Variants in BRWD3 observed in about 807,000 individuals in gnomAD.
The protein encoded by BRWD3 is bromodomain and WD repeat-containing protein 3.
BRWD3 carries 10 observed loss-of-function variants against 149.7 expected under a neutral mutation model. The ratio of observed to expected loss-of-function variants is 0.07; its 90% CI spans 0.04 to 0.11. The LOEUF is 0.11. Among genes scored for constraint, BRWD3 ranks in the 10% least tolerant of loss-of-function variants. BRWD3 has a pLI of 1.00. For synonymous variants in BRWD3, 504 were observed against 456.7 expected, an observed-to-expected ratio of 1.10 and a Z score of -1.32; for missense variants, 940 against 1,373.2, an observed-to-expected ratio of 0.68 and a Z score of 4.99.
chrX:80,681,030 G>C (rs755221444), intron 40 of BRWD3, among the ~76,000 whole-genome samples: 1 of 91,620 alleles, frequency 1.1e-5, no homozygotes, highest in African/African-American at 4.3e-5. Flanking sequence ...GGTTGATCTC[G>C]ATCTCCTGGC....
intron 22 of BRWD3, among the ~76,000 whole-genome samples, chrX:80,705,738 T>C (rs2072854432): frequency 8.9e-6 from 1 of 112,006 alleles, no homozygotes; most frequent in Admixed American, 9.5e-5. Flanking sequence ...AGTATATATC[T>C]ACACAATGCT....
intron 6 of BRWD3, among the ~76,000 whole-genome samples, chrX:80,772,430 G>C (rs769429634): frequency 9.0e-6 from 1 of 110,812 alleles, no homozygotes; most frequent in Admixed American, 9.6e-5. Flanking sequence ...AGAACACCTG[G>C]ACACAGGGCG....
chrX:80,690,233 T>G, intron 31 of BRWD3, 141 bp from the exon 32 acceptor site: 1 of 583,832 alleles, frequency 1.7e-6, no homozygotes, highest in African/African-American at 2.2e-5. Context: ...TATATTTGAC[T>G]GATGAGCACT....
chrX:80,742,633 C>G (rs2073531236), intron 8 of BRWD3, among the ~76,000 whole-genome samples: 1 of 109,779 alleles, frequency 9.1e-6, no homozygotes, highest in Non-Finnish European at 1.9e-5. Flanking sequence ...AGTTGGATTC[C>G]TAGGTATTTT....
At position 80,691,039 on chromosome X, in the gene BRWD3, A is replaced by T. The variant is rs73502699; in HGVS notation, c.3602+14T>A. On this transcript the variant is annotated intron_variant, in intron 31 of 40. Transcript: ENST00000373275. Reference sequence around the variant, plus strand: ...GCTATAAATTTTATAATAAGTGATTAAAAAAAAACAGACCTGTAAAAGCGA... The same window carrying T: ...GCTATAAATTTTATAATAAGTGATTTAAAAAAAACAGACCTGTAAAAGCGA... 5.8e-3 allele frequency: 6,848 copies of T among 1,184,928 alleles called. 261 individuals are homozygous for T. In the African/African-American group the frequency reaches 0.1, roughly 18 times the overall value.
Position 80,809,362 on chromosome X carries a change from T to G in BRWD3, c.32-58A>C. On this transcript the variant is annotated intron_variant, in intron 1 of 40. Transcript: ENST00000373275. ...GAGGTAGAGAAGAGAAATAGAAGCT[T>G]TTTCAAAAGAAACTGACAGCCTTCG... 13 of 1,152,076 alleles carry G rather than the reference T, an allele frequency of 1.1e-5. No individual in the cohort carries two copies. In the South Asian group the frequency reaches 1.9e-4, roughly 17 times the overall value. 94.9% of individuals were successfully genotyped at this position (1,152,076 alleles called of 1,213,427 possible). A position where few individuals can be genotyped will look rare whatever the true frequency, so the allele number is the denominator to read the frequency against.
At chrX:80,707,909 C>A (rs923988258) in intron 21 of BRWD3, among the ~76,000 whole-genome samples, 2 of 111,466 alleles carry the variant, frequency 1.8e-5, no homozygotes, top group South Asian at 7.4e-4. Flanking sequence ...GAATAGATAA[C>A]CCGTGTACAC....
rs1262924449 is a variant in BRWD3 at position 80,717,666 on chromosome X, T to C, written c.2138A>G (p.Asn713Ser). ...GGCCATCTGGCTCCGAGGAGCATTGTTATGCATTTGTCTAACACCTTCAAT... is the reference window on the plus strand; with the variant it reads ...GGCCATCTGGCTCCGAGGAGCATTGCTATGCATTTGTCTAACACCTTCAAT... Reference protein sequence around the residue: ...SQIEGVRQMHNNAPRSQMATE... With the variant: ...SQIEGVRQMHSNAPRSQMATE... The change falls in exon 19 of 41, where the codon AAC becomes AGC. Residue 713 changes from asparagine (N) to serine (S), a missense_variant. By Grantham distance (46) the Asn-to-Ser change is conservative. This residue lies in a region of BRWD3 where 103 missense variants were observed against 103.2 expected (regional missense o/e 1.00). Coordinates refer to ENST00000373275, the MANE Select transcript of BRWD3 (RefSeq NM_153252.5). 8.3e-7 allele frequency: 1 copy of C among 1,211,351 alleles called. No homozygotes were observed. Among genetic ancestry groups the C allele is most frequent in the African/African-American group, 1.7e-5 (1 of 57,882 alleles).
chrX:80,782,085 C>G (rs976557453), intron 6 of BRWD3, among the ~76,000 whole-genome samples: 3 of 111,330 alleles, frequency 2.7e-5, no homozygotes, highest in African/African-American at 9.8e-5. Context: ...CTGGAGAAAT[C>G]ACTTACCTGA....
At chrX:80,776,497 A>G (rs1412600972) in intron 6 of BRWD3, among the ~76,000 whole-genome samples, 2 of 112,109 alleles carry the variant, frequency 1.8e-5, no homozygotes, top group Admixed American at 9.5e-5. Flanking sequence ...TGAAACATTT[A>G]TAAGACTACA....
rs1344040839 is a variant in BRWD3, at chrX:80,733,465, T to C, written c.1118A>G (p.Asn373Ser). ...TGTATTACATAATTACCTGTCTCCA[T>C]TGTTACAGAACTGAACAGCAACAAC... is the stretch of plus-strand genomic sequence containing the variant. The part of the protein sequence containing the change: ...DKVVAVQFCN[N>S]GDSLRFVSGS... Residue 373 changes from asparagine (N) to serine (S), a missense_variant, in exon 12 of 41, where the codon AAT becomes AGT. Asn to Ser is a conservative substitution (Grantham distance 46). Transcript: ENST00000373275. 2.5e-6 allele frequency: 3 copies of C among 1,199,091 alleles called. No homozygotes were observed. The highest frequency in any genetic ancestry group is 3.4e-6 in the Non-Finnish European group (3 of 885,233).
chrX:80,757,865 A>G (rs991485818), intron 6 of BRWD3, among the ~76,000 whole-genome samples: 3 of 112,604 alleles, frequency 2.7e-5, no homozygotes, highest in Non-Finnish European at 5.6e-5. Flanking sequence ...CTCTTACTAG[A>G]AGCTAAAGCA....
chrX:80,690,243 TA>T, intron 31 of BRWD3, 151 bp from the exon 32 acceptor site: 1 of 544,741 alleles, frequency 1.8e-6, no homozygotes, highest in Non-Finnish European at 2.9e-6. Context: ...TGATGAGCAC[TA>T]AAAAGAGATG....
chrX:80,730,425 G>GAAAGAAAGAAAGA (rs1555972919), intron 12 of BRWD3, among the ~76,000 whole-genome samples: 227 of 108,658 alleles, frequency 2.1e-3, no homozygotes, highest in Non-Finnish European at 3.5e-3. Context: ...AAGAAAGAAA[G>GAAAGAAAGAAAGA]AAAGAAAGAA....
intron 13 of BRWD3, 56 bp from the exon 14 acceptor site, chrX:80,728,961 G>A (rs1224087871): frequency 1.9e-6 from 2 of 1,044,415 alleles, no homozygotes; most frequent in East Asian, 3.0e-5. Context: ...AAAGGTGCAT[G>A]TTAAATAGCA....
intron 6 of BRWD3, among the ~76,000 whole-genome samples, chrX:80,753,631 T>C (rs1459500840): frequency 3.6e-5 from 4 of 111,715 alleles, no homozygotes; most frequent in Admixed American, 9.5e-5. Context: ...TTTGCTGTTT[T>C]CCCCTATTAT....
At chrX:80,784,482 C>T (rs1046145046) in intron 6 of BRWD3, among the ~76,000 whole-genome samples, 2 of 111,103 alleles carry the variant, frequency 1.8e-5, no homozygotes, top group African/African-American at 3.3e-5. Context: ...GCACTTAACC[C>T]GTCACCTAGG....
chrX:80,750,697 A>G (rs907947352), intron 6 of BRWD3, among the ~76,000 whole-genome samples: 1 of 111,699 alleles, frequency 9.0e-6, no homozygotes, highest in East Asian at 2.8e-4. Flanking sequence ...TGGAAATACC[A>G]TATGATCCAG....
At chrX:80,691,025 T>TA in intron 31 of BRWD3, 28 bp downstream of exon 31, 2 of 1,199,754 alleles carry the variant, frequency 1.7e-6, no homozygotes, top group Non-Finnish European at 2.3e-6. Context: ...CTATAAATTT[T>TA]ATAATAAGTG....
Sources: gnomAD v4.1 joint callset for allele counts (sites outside exome capture counted in the v4.1 genomes callset) on GRCh38, gnomAD v4.1.1 for gene constraint, gnomAD v4.1.1 regional missense constraint, MANE v1.5 for transcripts, NCBI Gene and HGNC (gene_info 2026-07-23, HGNC 2026-07-21) for gene names.